The following GALNT11 variants were observed in gnomAD, a reference collection of about 807,000 sequenced individuals.
GALNT11 encodes the protein UDP-GalNAc:polypeptide N-acetylgalactosaminyltransferase 11.
In GALNT11, 47 loss-of-function variants were observed where a neutral mutation model predicts 72.7. That is an observed-to-expected ratio of 0.65 (90% confidence interval 0.51 to 0.82). The LOEUF (loss-of-function observed/expected upper bound fraction) is 0.82. Among genes scored for constraint, GALNT11 ranks in the 40% least tolerant of loss-of-function variants. The pLI, the probability that GALNT11 is intolerant of heterozygous loss-of-function variation, is 0.00. For missense variants in GALNT11, 677 were observed against 778.4 expected (o/e 0.87, Z 1.55); for synonymous variants, 270 against 286.6 (o/e 0.94, Z 0.58).
intron 1 of GALNT11, among the ~76,000 whole-genome samples, chr7:152,091,682 A>G (rs564122428): frequency 2.0e-5 from 3 of 152,288 alleles, no homozygotes; most frequent in South Asian, 4.1e-4. Context: ...CCAGCCGGAG[A>G]GGAAAGTTTC....
intron 3 of GALNT11, among the ~76,000 whole-genome samples, chr7:152,102,096 T>A (rs1022252312): frequency 4.1e-4 from 63 of 152,258 alleles, no homozygotes; most frequent in African/African-American, 1.5e-3. Flanking sequence ...AAATATAAAG[T>A]CTTATATTTG....
intron 1 of GALNT11, among the ~76,000 whole-genome samples, chr7:152,068,549 G>GGC (rs1432784557): frequency 2.0e-5 from 3 of 152,050 alleles, no homozygotes; most frequent in African/African-American, 7.2e-5. Flanking sequence ...TGCATTTGTG[G>GGC]GCATAGAGTT....
rs193124802 is a variant in GALNT11, at chr7:152,112,627, T to C, written c.1081-619T>C. Among the ~76,000 whole-genome samples the C allele has an allele frequency of 9.4e-4, 143 of 152,192 alleles. 1 individual carries two copies. The highest frequency in any genetic ancestry group is 8.4e-3 in the Admixed American group (129 of 15,294). On this transcript the variant is annotated intron_variant, in intron 7 of 11. Transcript: ENST00000430044. ...GCGTAATAGATTTTATTATGCTTCT[T>C]ATTTAATAGATTTTATTATTAAAAG...
At chr7:152,041,459 A>G (rs539639820) in intron 1 of GALNT11, among the ~76,000 whole-genome samples, 1 of 152,196 alleles carries the variant, frequency 6.6e-6, no homozygotes, top group Non-Finnish European at 1.5e-5. Context: ...TTCCTATTAT[A>G]TCACTATCAG....
chr7:152,040,300 G>A (rs1388497849), intron 1 of GALNT11, among the ~76,000 whole-genome samples: 3 of 151,978 alleles, frequency 2.0e-5, no homozygotes, highest in Non-Finnish European at 4.4e-5. Flanking sequence ...CCAAACGAGG[G>A]AACATGTGTG....
intron 1 of GALNT11, among the ~76,000 whole-genome samples, chr7:152,076,781 T>C (rs1193411684): frequency 6.6e-6 from 1 of 152,238 alleles, no homozygotes; most frequent in Non-Finnish European, 1.5e-5. Context: ...CTGCGATGTT[T>C]ATTTACTGGG....
rs369153002 is a variant in GALNT11, at chr7:152,092,104, G to A, written c.-38-2086G>A. On this transcript the variant is annotated intron_variant, in intron 1 of 11. Transcript: ENST00000430044. ...CTCGTGGATTCAGAGCAGCCTGTCC[G>A]GTTACACTCTTTAACTTCAGGATCT... Among the ~76,000 whole-genome samples the A allele has an allele frequency of 2.0e-5, 3 of 152,240 alleles. No individual in the cohort carries two copies. The South Asian group carries it at 6.2e-4, about 32-fold the overall frequency.
At chr7:152,034,692 C>T (rs941489997) in intron 1 of GALNT11, among the ~76,000 whole-genome samples, 5 of 152,152 alleles carry the variant, frequency 3.3e-5, no homozygotes, top group Admixed American at 2.6e-4. Flanking sequence ...AGCAGAAACA[C>T]CTCTTGCCCA....
intron 4 of GALNT11, chr7:152,104,760 T>C (rs1280215392): frequency 6.6e-6 from 1 of 152,262 alleles, no homozygotes; most frequent in African/African-American, 2.4e-5. Flanking sequence ...AGAAAGATGC[T>C]AAATTAATAA....
intron 1 of GALNT11, among the ~76,000 whole-genome samples, chr7:152,051,856 C>G (rs2083423351): frequency 6.6e-6 from 1 of 152,128 alleles, no homozygotes; most frequent in Non-Finnish European, 1.5e-5. Flanking sequence ...TTTGCTGTTC[C>G]TTGTAAAAAG....
intron 10 of GALNT11, chr7:152,118,990 TCAC>T (rs1167706112): frequency 1.1e-5 from 4 of 379,628 alleles, no homozygotes; most frequent in Non-Finnish European, 1.9e-5. Context: ...GTCTGATTTT[TCAC>T]CGAAAAAAAC....
At position 152,110,829 on chromosome 7, in the gene GALNT11, C is replaced by G. The variant is rs185778151; in HGVS notation, c.1080+184C>G. Among the ~76,000 whole-genome samples the G allele has an allele frequency of 9.1e-4, 138 of 151,444 alleles. 1 individual carries two copies. The highest frequency in any genetic ancestry group is 3.0e-3 in the African/African-American group (125 of 41,244). On this transcript the variant is annotated intron_variant, in intron 7 of 11. Transcript: ENST00000430044. ...CACTGCAGCCTTGACCTCCTGAGCT[C>G]AAGCGATCCTCTTGCCTCAGCCTCC...
chr7:152,054,696 T>C (rs2083572507), intron 1 of GALNT11, among the ~76,000 whole-genome samples: 1 of 151,450 alleles, frequency 6.6e-6, no homozygotes, highest in African/African-American at 2.4e-5. Flanking sequence ...TTTTTTGTAC[T>C]TTTGTAGAGA....
In GALNT11 at chr7:152,066,447, G is replaced by A. The variant is rs2084317044; in HGVS notation, c.-38-27743G>A. 2.0e-5 allele frequency among the ~76,000 whole-genome samples: 3 copies of A among 151,980 alleles called. No homozygotes were observed. In the South Asian group the frequency reaches 6.2e-4, roughly 31 times the overall value. On this transcript the variant is annotated intron_variant, in intron 1 of 11. Coordinates refer to ENST00000430044, the MANE Select transcript of GALNT11 (RefSeq NM_022087.4). ...CTCAGTAGGCTGCACCCACTGTCCT[G>A]CACCCACTGTCCAACAAGCCCCAGT... is the stretch of plus-strand genomic sequence containing the variant.
chr7:152,040,169 C>T (rs2082786030), intron 1 of GALNT11, among the ~76,000 whole-genome samples: 1 of 151,480 alleles, frequency 6.6e-6, no homozygotes, highest in Non-Finnish European at 1.5e-5. Flanking sequence ...CTGGAATGCC[C>T]ACCACTGCAA....
intron 1 of GALNT11, among the ~76,000 whole-genome samples, chr7:152,028,590 C>G (rs2082153536): frequency 6.6e-6 from 1 of 152,116 alleles, no homozygotes; most frequent in South Asian, 2.1e-4. Context: ...AGACACAGAG[C>G]CCTGATTGGT....
Position 152,107,992 on chromosome 7 carries a change from T to C in GALNT11, c.713-46T>C, listed in dbSNP as rs1294656737. On this transcript the variant is annotated intron_variant, in intron 5 of 11. Coordinates refer to ENST00000430044, the MANE Select transcript of GALNT11 (RefSeq NM_022087.4). The stretch of plus-strand genomic sequence containing the variant: ...CATTGGACGGGTGGTTGTACCTAAA[T>C]TGAGTGTTGTGACACTCTCCTGAGC... The C allele has an allele frequency of 5.7e-6, 9 of 1,569,230 alleles. No individual in the cohort carries two copies. In the South Asian group the frequency reaches 5.8e-5, roughly 10 times the overall value.
chr7:152,033,760 AGGTCCCAGT>A (rs1209661768), intron 1 of GALNT11, among the ~76,000 whole-genome samples: 6 of 152,316 alleles, frequency 3.9e-5, no homozygotes, highest in Non-Finnish European at 7.3e-5. Flanking sequence ...ATCTGAGTCA[AGGTCCCAGT>A]GGGGATCCAT....
chr7:152,098,568 A>G (rs944867341), intron 2 of GALNT11, among the ~76,000 whole-genome samples: 3 of 152,196 alleles, frequency 2.0e-5, no homozygotes, highest in Non-Finnish European at 4.4e-5. Flanking sequence ...GTAGGGGAAT[A>G]AGAAAAGTAA....
Sources: gnomAD v4.1 joint callset for allele counts (sites outside exome capture counted in the v4.1 genomes callset) on GRCh38, gnomAD v4.1.1 for gene constraint, MANE v1.5 for transcripts, NCBI Gene and HGNC (gene_info 2026-07-23, HGNC 2026-07-21) for gene names.